TRPC5: variants seen among roughly 807,000 people sequenced by gnomAD.
TRPC5 encodes transient receptor potential cation channel subfamily C member 5, also known as short transient receptor potential channel 5.
Under a neutral mutation model 56.5 loss-of-function variants are expected in TRPC5, and 9 were observed. That is an observed-to-expected ratio of 0.16 (90% CI 0.10 to 0.28). The LOEUF (loss-of-function observed/expected upper bound fraction) is 0.28. TRPC5 is among the 10% of genes least tolerant of loss of function. TRPC5 has a pLI of 1.00. For synonymous variants in TRPC5, 282 were observed against 278.5 expected (o/e 1.01, Z -0.13); for missense variants, 469 against 748.9 (o/e 0.63, Z 4.36).
At chrX:111,859,812 TA>T (rs1186600716) in intron 3 of TRPC5, among the ~76,000 whole-genome samples, 1 of 112,803 alleles carries the variant, frequency 8.9e-6, no homozygotes, top group Non-Finnish European at 1.9e-5. Context: ...TTTTTTTTTT[TA>T]ATTGTGTTCT....
At chrX:111,865,362 C>T (rs1184373557) in intron 3 of TRPC5, among the ~76,000 whole-genome samples, 2 of 99,469 alleles carry the variant, frequency 2.0e-5, no homozygotes, top group Non-Finnish European at 4.0e-5. Context: ...GAGTCTCATT[C>T]TGTCGCCAGG....
chrX:111,866,230 T>A (rs1424866017), intron 3 of TRPC5, among the ~76,000 whole-genome samples: 2 of 113,811 alleles, frequency 1.8e-5, no homozygotes, highest in Non-Finnish European at 3.7e-5. Context: ...AATTTATTTC[T>A]TTGGATTAAA....
intron 3 of TRPC5, chrX:111,903,388 G>A (rs1292884751): frequency 8.9e-6 from 1 of 112,227 alleles, no homozygotes; most frequent in East Asian, 2.8e-4. Flanking sequence ...TTATGCGACG[G>A]TTTATGATGG....
At chrX:111,971,536 T>C (rs34776975) in intron 1 of TRPC5, among the ~76,000 whole-genome samples, 10,718 of 111,127 alleles carry the variant, frequency 0.096, 936 homozygotes, top group African/African-American at 0.28. Flanking sequence ...TCTTGAGTGC[T>C]GTTTCCCAGA....
At chrX:111,891,358 C>T (rs928692370) in intron 3 of TRPC5, among the ~76,000 whole-genome samples, 2 of 111,365 alleles carry the variant, frequency 1.8e-5, no homozygotes, top group Non-Finnish European at 3.8e-5. Context: ...TTCTTTTTCT[C>T]TGCAACCTCA....
At chrX:112,058,170 G>T (rs1930382724) in intron 1 of TRPC5, among the ~76,000 whole-genome samples, 1 of 111,561 alleles carries the variant, frequency 9.0e-6, no homozygotes, top group African/African-American at 3.3e-5. Flanking sequence ...TAATATTAGA[G>T]TTTTCTCTCC....
At chrX:112,081,133 A>G (rs769033836) in intron 1 of TRPC5, among the ~76,000 whole-genome samples, 1 of 112,187 alleles carries the variant, frequency 8.9e-6, no homozygotes, top group South Asian at 3.7e-4. Context: ...AGGTTGTAAT[A>G]GGGAAAAAGC....
chrX:111,788,104 C>G (rs1945984639), intron 7 of TRPC5, among the ~76,000 whole-genome samples: 1 of 111,492 alleles, frequency 9.0e-6, no homozygotes, highest in African/African-American at 3.3e-5. Flanking sequence ...GGCAGAGATA[C>G]AACAAAAAAA....
At chrX:112,047,908 AT>A (rs1930094689) in intron 1 of TRPC5, among the ~76,000 whole-genome samples, 1 of 112,264 alleles carries the variant, frequency 8.9e-6, no homozygotes, top group Admixed American at 9.4e-5. Flanking sequence ...ACAAATATAC[AT>A]GAAAGTGTTC....
chrX:112,018,313 A>G (rs1031508802), intron 1 of TRPC5, among the ~76,000 whole-genome samples: 2 of 112,628 alleles, frequency 1.8e-5, no homozygotes, highest in Non-Finnish European at 3.7e-5. Context: ...TATTATATCT[A>G]GGTTTGTATT....
At chrX:111,825,142 CCTTCCTTTCTTTCTTT>C (rs1299556984) in intron 7 of TRPC5, among the ~76,000 whole-genome samples, 1,017 of 78,068 alleles carry the variant, frequency 0.013, 11 homozygotes, top group Non-Finnish European at 0.017. Flanking sequence ...TTCCTTCCTT[CCTTCCTTTCTTTCTTT>C]CTTTCTTTCT....
At chrX:112,004,142 T>C (rs1660885233) in intron 1 of TRPC5, among the ~76,000 whole-genome samples, 1 of 112,023 alleles carries the variant, frequency 8.9e-6, no homozygotes, top group Non-Finnish European at 1.9e-5. Flanking sequence ...AGAGAAGTGG[T>C]GGATCCACAA....
At chrX:111,995,986 A>T in intron 1 of TRPC5, among the ~76,000 whole-genome samples, 2 of 106,321 alleles carry the variant, frequency 1.9e-5, no homozygotes, top group African/African-American at 6.9e-5. Context: ...TATCTCTTTC[A>T]CTTCTGCTCT....
chrX:111,895,682 G>GT lies in TRPC5; in HGVS notation c.900+16608dup, dbSNP rs558693603. On this transcript the variant is annotated intron_variant, in intron 3 of 10. Coordinates refer to ENST00000262839, the MANE Select transcript of TRPC5 (RefSeq NM_012471.3). ...ATTATTAGTATTATTTTGGTATCTG[G>GT]TATGAGGTAAGGGTCATGGTTCCAT... Among the ~76,000 whole-genome samples, 18 of 110,334 alleles carry GT rather than the reference G, an allele frequency of 1.6e-4. No individual in the cohort carries two copies. In the South Asian group the frequency reaches 4.0e-3, roughly 24 times the overall value.
chrX:111,880,879 T>C (rs1180943649), intron 3 of TRPC5, among the ~76,000 whole-genome samples: 2 of 112,124 alleles, frequency 1.8e-5, no homozygotes, highest in East Asian at 5.6e-4. Flanking sequence ...CAGTATCTTA[T>C]AGCAGGCCAA....
intron 1 of TRPC5, among the ~76,000 whole-genome samples, chrX:112,073,742 C>T (rs949837114): frequency 2.7e-5 from 3 of 111,759 alleles, no homozygotes; most frequent in South Asian, 3.8e-4. Context: ...ACTGACTCCG[C>T]GCTTAATCTT....
intron 9 of TRPC5, 61 bp from the exon 10 acceptor site, chrX:111,779,135 A>G (rs1313479656): frequency 1.2e-6 from 1 of 816,307 alleles, no homozygotes; most frequent in African/African-American, 2.1e-5. Context: ...GTACAGTAAG[A>G]AACTTACATA....
At chrX:111,905,828 T>C (rs747406354) in intron 3 of TRPC5, among the ~76,000 whole-genome samples, 39 of 102,440 alleles carry the variant, frequency 3.8e-4, no homozygotes, top group Non-Finnish European at 6.9e-4. Flanking sequence ...GGCAGGAGAA[T>C]GGCGTGAACC....
At chrX:111,957,258 G>A (rs1161011099) in intron 1 of TRPC5, among the ~76,000 whole-genome samples, 4 of 111,726 alleles carry the variant, frequency 3.6e-5, no homozygotes, top group South Asian at 3.8e-4. Flanking sequence ...GCAATGCTTT[G>A]TTGAGGTGAT....
Sources: allele counts gnomAD v4.1 joint callset (sites outside exome capture counted in the v4.1 genomes callset), GRCh38; gene constraint gnomAD v4.1.1; transcripts MANE v1.5; gene names NCBI Gene and HGNC (gene_info 2026-07-23, HGNC 2026-07-21).